TMPRSS15: variants seen among roughly 807,000 people sequenced by gnomAD.
The protein encoded by TMPRSS15 is enteropeptidase.
In TMPRSS15, 128 loss-of-function variants were observed where a neutral mutation model predicts 125.3. The ratio of observed to expected loss-of-function variants is 1.02; its 90% CI spans 0.89 to 1.18. The LOEUF (loss-of-function observed/expected upper bound fraction) is 1.18. Among genes scored for constraint, TMPRSS15 ranks in the 50% most tolerant of loss-of-function variants. The pLI is 0.00. For missense variants in TMPRSS15, 1,283 were observed against 1,212.7 expected (o/e 1.06, Z -0.86); for synonymous variants, 446 against 423.2 (o/e 1.05, Z -0.66).
At chr21:18,432,249 C>T (rs979436640) in intron 1 of TMPRSS15, among the ~76,000 whole-genome samples, 1 of 152,102 alleles carries the variant, frequency 6.6e-6, no homozygotes, top group African/African-American at 2.4e-5. Flanking sequence ...TCTGATAATA[C>T]TTCTCTGAAC....
intron 18 of TMPRSS15, 59 bp downstream of exon 18, chr21:18,312,886 T>A: frequency 6.2e-7 from 1 of 1,600,878 alleles, no homozygotes; most frequent in Non-Finnish European, 8.6e-7. Context: ...TAAACCTAAT[T>A]TGATAGTAAT....
chr21:18,383,856 T>C, intron 3 of TMPRSS15, 78 bp from the exon 4 acceptor site: 1 of 1,501,384 alleles, frequency 6.7e-7, no homozygotes. Flanking sequence ...GTTAAATGTC[T>C]TTGAAATTCT....
chr21:18,286,408 A>C (rs2146882521), intron 21 of TMPRSS15, among the ~76,000 whole-genome samples: 1 of 152,332 alleles, frequency 6.6e-6, no homozygotes, highest in Non-Finnish European at 1.5e-5. Flanking sequence ...CCATAGGCTG[A>C]CATCATTGGC....
At chr21:18,478,123 T>C (rs1029522398) in intron 1 of TMPRSS15, among the ~76,000 whole-genome samples, 1 of 152,088 alleles carries the variant, frequency 6.6e-6, no homozygotes, top group African/African-American at 2.4e-5. Context: ...AGGCAAATGA[T>C]GTTTTTTTCC....
chr21:18,358,595 T>C (rs142561351), intron 8 of TMPRSS15, among the ~76,000 whole-genome samples: 1 of 151,938 alleles, frequency 6.6e-6, no homozygotes, highest in African/African-American at 2.4e-5. Context: ...TATGATATTT[T>C]TACTTGGGCT....
At chr21:18,424,929 TATTA>T (rs2076199521) in intron 1 of TMPRSS15, among the ~76,000 whole-genome samples, 1 of 148,854 alleles carries the variant, frequency 6.7e-6, no homozygotes, top group South Asian at 2.1e-4. Flanking sequence ...TATATATGAA[TATTA>T]TATATTCATA....
intron 1 of TMPRSS15, among the ~76,000 whole-genome samples, chr21:18,481,058 C>T (rs1978971493): frequency 6.6e-6 from 1 of 151,778 alleles, no homozygotes; most frequent in Non-Finnish European, 1.5e-5. Flanking sequence ...CAGAGTAATG[C>T]CTGATACAAT....
intron 1 of TMPRSS15, among the ~76,000 whole-genome samples, chr21:18,402,832 C>A (rs2123145179): frequency 6.6e-6 from 1 of 152,224 alleles, no homozygotes; most frequent in Non-Finnish European, 1.5e-5. Context: ...TACCAATAAG[C>A]TTTCATATGT....
At chr21:18,483,853 T>G (rs1039996026) in intron 1 of TMPRSS15, among the ~76,000 whole-genome samples, 1 of 151,862 alleles carries the variant, frequency 6.6e-6, no homozygotes. Context: ...AGAGAGAATA[T>G]ACCAGCATCA....
chr21:18,295,997 A>T (rs1000962552), intron 19 of TMPRSS15, among the ~76,000 whole-genome samples: 4 of 152,076 alleles, frequency 2.6e-5, no homozygotes, highest in African/African-American at 9.7e-5. Flanking sequence ...CTAAAAATAC[A>T]CAAAAATTAG....
At chr21:18,376,076 T>C (rs1418318163) in intron 5 of TMPRSS15, among the ~76,000 whole-genome samples, 1 of 152,140 alleles carries the variant, frequency 6.6e-6, no homozygotes, top group Non-Finnish European at 1.5e-5. Flanking sequence ...GCTTACTCAA[T>C]AGGAAAAGCA....
rs150311926 is a variant in TMPRSS15, at chr21:18,416,614, T to C, written c.11-18285A>G. Among the ~76,000 whole-genome samples, 399 of 152,168 alleles carry C rather than the reference T, an allele frequency of 2.6e-3. 1 individual carries two copies. The highest frequency in any genetic ancestry group is 4.0e-3 in the Non-Finnish European group (274 of 67,884). ...GAGTGGGGATGATACTGGTTAATTT[T>C]TGAAATTCTAATACTTAGCCAAAAT... On this transcript the variant is annotated intron_variant, in intron 1 of 7. Coordinates refer to the TMPRSS15 transcript ENST00000422787.
At chr21:18,464,890 C>T (rs2122955011) in intron 1 of TMPRSS15, among the ~76,000 whole-genome samples, 2 of 152,100 alleles carry the variant, frequency 1.3e-5, no homozygotes, top group South Asian at 2.1e-4. Flanking sequence ...AAAAGAGGCA[C>T]TCCTCCCTAA....
At chr21:18,357,201 T>C (rs1284613824) in intron 8 of TMPRSS15, among the ~76,000 whole-genome samples, 1 of 151,900 alleles carries the variant, frequency 6.6e-6, no homozygotes, top group Non-Finnish European at 1.5e-5. Flanking sequence ...TTACAACCAT[T>C]GAATTCAATA....
chr21:18,295,774 A>G (rs995486333), intron 19 of TMPRSS15, among the ~76,000 whole-genome samples: 3 of 152,174 alleles, frequency 2.0e-5, no homozygotes, highest in Non-Finnish European at 4.4e-5. Flanking sequence ...CTAACACCCC[A>G]AGGAAGTCTC....
intron 1 of TMPRSS15, 23 bp downstream of exon 1, chr21:18,403,455 C>T (rs752455724): frequency 2.0e-5 from 32 of 1,613,926 alleles, no homozygotes; most frequent in South Asian, 1.4e-4. Context: ...AGCACCTTCA[C>T]GAGCCAACTC....
chr21:18,291,371 AC>A lies in TMPRSS15; in HGVS notation c.2486+2898del, dbSNP rs1307272805. Among the ~76,000 whole-genome samples the A allele has an allele frequency of 2.6e-5, 4 of 152,330 alleles. 1 individual carries two copies. In the East Asian group the frequency reaches 7.7e-4, roughly 29 times the overall value. The stretch of plus-strand genomic sequence containing the variant: ...GAAAGGACAATACCACGATAGAGAA[AC>A]CGAACAGGCACAGGGTTATTTAGAA... On this transcript the variant is annotated intron_variant, in intron 21 of 24. Transcript: ENST00000284885.
intron 19 of TMPRSS15, among the ~76,000 whole-genome samples, chr21:18,295,787 T>G (rs2074899250): frequency 6.6e-6 from 1 of 152,192 alleles, no homozygotes; most frequent in Non-Finnish European, 1.5e-5. Flanking sequence ...GAAGTCTCAA[T>G]TAACTCCCCT....
In TMPRSS15 at chr21:18,403,641, G is replaced by C; in HGVS notation, c.-19C>G. 6.2e-7 allele frequency: 1 copy of C among 1,613,850 alleles called. No individual in the cohort carries two copies. Among genetic ancestry groups the C allele is most frequent in the Non-Finnish European group, 8.5e-7 (1 of 1,179,848 alleles). ...ACCCCATTTTTGGTTTTGAAGGCTT[G>C]CTAATTTAAGAACTGAAAGAGAATA... is the stretch of plus-strand genomic sequence containing the variant. On this transcript the variant is annotated 5_prime_UTR_variant, in exon 1 of 25. Coordinates refer to ENST00000284885, the MANE Select transcript of TMPRSS15 (RefSeq NM_002772.3).
Sources: gnomAD v4.1 joint callset for allele counts (sites outside exome capture counted in the v4.1 genomes callset) on GRCh38, gnomAD v4.1.1 for gene constraint, MANE v1.5 for transcripts, NCBI Gene and HGNC (gene_info 2026-07-23, HGNC 2026-07-21) for gene names.